The following CACNA2D3 variants were observed in gnomAD, a reference collection of about 807,000 sequenced individuals.
The protein encoded by CACNA2D3 is voltage-dependent calcium channel subunit alpha-2/delta-3.
A neutral mutation model predicts 160.6 loss-of-function variants in CACNA2D3; 60 were observed. The ratio of observed to expected loss-of-function variants is 0.37; its 90% confidence interval spans 0.30 to 0.46. CACNA2D3 has a LOEUF of 0.46. Among genes scored for constraint, CACNA2D3 ranks in the 20% least tolerant of loss-of-function variants. CACNA2D3 has a pLI of 1.00. For synonymous variants in CACNA2D3, 558 were observed against 492.9 expected (o/e 1.13, Z -1.75); for missense variants, 1,205 against 1,365.0 (o/e 0.88, Z 1.85).
At chr3:54,620,880 TCAAA>T (rs999367093) in intron 9 of CACNA2D3, among the ~76,000 whole-genome samples, 4 of 152,162 alleles carry the variant, frequency 2.6e-5, no homozygotes, top group African/African-American at 9.7e-5. Flanking sequence ...GTTAGGAGGA[TCAAA>T]CAAAGTAATG....
chr3:54,272,315 C>G (rs1372576561), intron 2 of CACNA2D3, among the ~76,000 whole-genome samples: 1 of 152,152 alleles, frequency 6.6e-6, no homozygotes, highest in South Asian at 2.1e-4. Flanking sequence ...TGTGCTTCAC[C>G]CCAGCTGCTT....
At chr3:55,052,326 G>T (rs1324045424) in intron 35 of CACNA2D3, among the ~76,000 whole-genome samples, 2 of 151,932 alleles carry the variant, frequency 1.3e-5, no homozygotes, top group Non-Finnish European at 2.9e-5. Flanking sequence ...TTTTAAAATT[G>T]TAAAGATTTG....
intron 4 of CACNA2D3, among the ~76,000 whole-genome samples, chr3:54,415,178 A>G (rs1699735052): frequency 6.6e-6 from 1 of 152,184 alleles, no homozygotes; most frequent in Non-Finnish European, 1.5e-5. Flanking sequence ...GGCTGACTGC[A>G]GAAATCATTG....
intron 3 of CACNA2D3, among the ~76,000 whole-genome samples, chr3:54,356,395 C>T (rs1698649613): frequency 6.6e-6 from 1 of 152,154 alleles, no homozygotes; most frequent in South Asian, 2.1e-4. Context: ...GAGTTCAGTG[C>T]CAAGAGGAGG....
intron 13 of CACNA2D3, among the ~76,000 whole-genome samples, chr3:54,782,910 T>C (rs1702561887): frequency 6.6e-6 from 1 of 152,140 alleles, no homozygotes; most frequent in South Asian, 2.1e-4. Context: ...ACTGGGGTAC[T>C]AAGAGCTGCC....
chr3:54,923,812 C>T (rs1360909149), intron 27 of CACNA2D3, among the ~76,000 whole-genome samples: 1 of 152,204 alleles, frequency 6.6e-6, no homozygotes, highest in African/African-American at 2.4e-5. Flanking sequence ...CTCTCTGGGA[C>T]TCTGTTGCCC....
chr3:54,877,449 G>A (rs574348644), intron 18 of CACNA2D3, among the ~76,000 whole-genome samples: 7 of 152,188 alleles, frequency 4.6e-5, no homozygotes, highest in Non-Finnish European at 1.0e-4. Context: ...ATATTGACTC[G>A]TCAGTCTTCA....
intron 2 of CACNA2D3, among the ~76,000 whole-genome samples, chr3:54,296,640 A>C (rs928649755): frequency 6.6e-6 from 1 of 152,232 alleles, no homozygotes; most frequent in African/African-American, 2.4e-5. Context: ...ACTGGGCTGC[A>C]GAGTAGTCAT....
intron 2 of CACNA2D3, among the ~76,000 whole-genome samples, chr3:54,287,198 A>G (rs1373216296): frequency 1.3e-5 from 2 of 152,198 alleles, no homozygotes; most frequent in African/African-American, 4.8e-5. Flanking sequence ...ACGTGCAGAG[A>G]CACACATAGG....
chr3:54,703,501 T>C (rs1700804233), intron 11 of CACNA2D3, among the ~76,000 whole-genome samples: 1 of 152,108 alleles, frequency 6.6e-6, no homozygotes, highest in African/African-American at 2.4e-5. Context: ...ATTCACATGT[T>C]TAGTTTTGGA....
intron 11 of CACNA2D3, among the ~76,000 whole-genome samples, chr3:54,646,222 CCTTCCTTCCTTCCTTCCTTCCTTCCT>C (rs1194381863): frequency 1.3e-4 from 15 of 117,120 alleles, no homozygotes; most frequent in African/African-American, 4.3e-4. Context: ...TTCCTTCCTT[CCTTCCTTCCTTCCTTCCTTCCTTCCT>C]CTCTCTCTCT....
At chr3:54,833,801 T>C (rs1703929554) in intron 14 of CACNA2D3, among the ~76,000 whole-genome samples, 1 of 152,052 alleles carries the variant, frequency 6.6e-6, no homozygotes, top group Non-Finnish European at 1.5e-5. Context: ...CTGCAAATGG[T>C]ATTTCTGTGT....
At chr3:54,881,857 C>T (rs989585022) in intron 21 of CACNA2D3, among the ~76,000 whole-genome samples, 7 of 152,310 alleles carry the variant, frequency 4.6e-5, no homozygotes, top group African/African-American at 7.2e-5. Flanking sequence ...TGCCACAGGG[C>T]GTGAGGAAGG....
chr3:55,034,443 T>A (rs1240519064), intron 35 of CACNA2D3, among the ~76,000 whole-genome samples: 1 of 152,088 alleles, frequency 6.6e-6, no homozygotes, highest in Non-Finnish European at 1.5e-5. Flanking sequence ...ACATTTCTAT[T>A]GAGTTTATAT....
chr3:54,499,849 A>C (rs988673981), intron 4 of CACNA2D3, among the ~76,000 whole-genome samples: 1 of 152,136 alleles, frequency 6.6e-6, no homozygotes, highest in Non-Finnish European at 1.5e-5. Context: ...TACATGCTTA[A>C]GAAGAATGTG....
chr3:54,830,393 G>A (rs1703847804), intron 14 of CACNA2D3, among the ~76,000 whole-genome samples: 1 of 151,804 alleles, frequency 6.6e-6, no homozygotes, highest in South Asian at 2.1e-4. Context: ...GTTGATAACC[G>A]CCGGTCTTTG....
chr3:54,570,900 C>A (rs147462761), intron 8 of CACNA2D3, among the ~76,000 whole-genome samples: 153 of 152,156 alleles, frequency 1.0e-3, no homozygotes, highest in African/African-American at 2.8e-3. Context: ...TTATTCTGAG[C>A]CAAATATGAG....
intron 2 of CACNA2D3, among the ~76,000 whole-genome samples, chr3:54,278,023 C>G (rs867971271): frequency 6.6e-6 from 1 of 152,054 alleles, no homozygotes; most frequent in African/African-American, 2.4e-5. Context: ...AGCTTTTGCA[C>G]AGCAAAAGAA....
intron 17 of CACNA2D3, among the ~76,000 whole-genome samples, chr3:54,853,960 C>T (rs542445695): frequency 7.2e-5 from 11 of 152,266 alleles, no homozygotes; most frequent in Non-Finnish European, 1.3e-4. Context: ...CCTGGACCCC[C>T]GCTCTCAGGC....
Sources: gnomAD v4.1 joint callset for allele counts (sites outside exome capture counted in the v4.1 genomes callset) on GRCh38, gnomAD v4.1.1 for gene constraint, MANE v1.5 for transcripts, NCBI Gene and HGNC (gene_info 2026-07-23, HGNC 2026-07-21) for gene names.